The following TMEM232 variants were observed in gnomAD, a reference collection of about 807,000 sequenced individuals.
TMEM232 encodes transmembrane protein 232.
Under a neutral mutation model 78.8 loss-of-function variants are expected in TMEM232, and 80 were observed. The observed-to-expected ratio is 1.01, with a 90% CI of 0.85 to 1.22. TMEM232 has a LOEUF of 1.22. Among genes scored for constraint, TMEM232 ranks in the 50% most tolerant of loss-of-function variants. The pLI is 0.00. For synonymous variants in TMEM232, 297 were observed against 254.3 expected (o/e 1.17, Z -1.60); for missense variants, 881 against 742.2 (o/e 1.19, Z -2.17).
intron 5 of TMEM232, among the ~76,000 whole-genome samples, chr5:110,637,191 T>G (rs868071555): frequency 2.2e-4 from 33 of 151,092 alleles, no homozygotes; most frequent in African/African-American, 7.5e-4. Flanking sequence ...GTGGACAGTT[T>G]TGGAAATACA....
rs1777741053 is a variant in TMEM232 at position 110,577,856 on chromosome 5, ACT to A, written c.1277-9233_1277-9232del. On this transcript the variant is annotated intron_variant, in intron 10 of 13. Transcript: ENST00000455884. ...GGAGACACAGAGAGGAACAACATAC[ACT>A]GGGGCCTTTTTGGAGGGTGGAGGGT... Among the ~76,000 whole-genome samples the A allele has an allele frequency of 6.6e-5, 10 of 152,046 alleles. No homozygotes were observed. In the South Asian group the frequency reaches 1.9e-3, roughly 28 times the overall value.
intron 11 of TMEM232, among the ~76,000 whole-genome samples, chr5:110,561,596 T>A (rs148082663): frequency 3.2e-4 from 48 of 152,200 alleles, no homozygotes; most frequent in African/African-American, 1.1e-3. Flanking sequence ...TTATGCAGCT[T>A]TCTATCAAAA....
At chr5:110,498,554 G>A (rs1765872203) in intron 12 of TMEM232, among the ~76,000 whole-genome samples, 1 of 152,112 alleles carries the variant, frequency 6.6e-6, no homozygotes, top group Non-Finnish European at 1.5e-5. Context: ...ATGCACTGGA[G>A]AGCAACCAAA....
At chr5:110,503,799 GC>G (rs1766546745) in intron 12 of TMEM232, among the ~76,000 whole-genome samples, 1 of 152,114 alleles carries the variant, frequency 6.6e-6, no homozygotes, top group Admixed American at 6.6e-5. Flanking sequence ...CTTACCTTCT[GC>G]TTTAAAAACA....
intron 10 of TMEM232, among the ~76,000 whole-genome samples, chr5:110,577,875 G>A (rs540440186): frequency 6.6e-6 from 1 of 151,962 alleles, no homozygotes; most frequent in Admixed American, 6.6e-5. Context: ...TTTTTGGAGG[G>A]TGGAGGGTGG....
intron 2 of TMEM232, among the ~76,000 whole-genome samples, chr5:110,643,478 T>C (rs1203207038): frequency 6.6e-6 from 1 of 151,824 alleles, no homozygotes; most frequent in East Asian, 1.9e-4. Flanking sequence ...ACAAATAAGT[T>C]GAAAGTGTAT....
At chr5:110,609,714 T>A (rs1005109605) in intron 8 of TMEM232, among the ~76,000 whole-genome samples, 1 of 152,092 alleles carries the variant, frequency 6.6e-6, no homozygotes, top group Non-Finnish European at 1.5e-5. Context: ...ATTTTACACA[T>A]TGAGTGTTGT....
intron 2 of TMEM232, among the ~76,000 whole-genome samples, chr5:110,400,262 A>T (rs1580555336): frequency 6.6e-6 from 1 of 152,258 alleles, no homozygotes; most frequent in South Asian, 2.1e-4. Flanking sequence ...TGCGATATTG[A>T]GCCAATGATT....
intron 2 of TMEM232, chr5:110,666,979 T>G (rs186922954): frequency 3.7e-4 from 110 of 294,264 alleles, no homozygotes; most frequent in Middle Eastern, 2.0e-3. Context: ...TATTTTCTCA[T>G]GCAATCTATG....
At chr5:110,495,136 AAAAT>A (rs1389844015) in intron 12 of TMEM232, among the ~76,000 whole-genome samples, 112 of 151,224 alleles carry the variant, frequency 7.4e-4, no homozygotes, top group African/African-American at 2.7e-3. Context: ...AATATTATAT[AAAAT>A]AAATAGAAGC....
chr5:110,463,826 A>G (rs1167339387), intron 12 of TMEM232, among the ~76,000 whole-genome samples: 1 of 152,146 alleles, frequency 6.6e-6, no homozygotes, highest in African/African-American at 2.4e-5. Flanking sequence ...CCTGCCCTAC[A>G]TAAGACCACC....
Position 110,713,469 on chromosome 5 carries a change from G to T in TMEM232, c.-13+13158C>A, listed in dbSNP as rs374764095. Reference sequence around the variant, plus strand: ...ATAGATTCCCCATTTAGCATATTGTGATTATTATGCATTGCAAGCCTGTAT... The same window carrying T: ...ATAGATTCCCCATTTAGCATATTGTTATTATTATGCATTGCAAGCCTGTAT... On this transcript the variant is annotated intron_variant, in intron 1 of 13. Coordinates refer to ENST00000455884, the MANE Select transcript of TMEM232 (RefSeq NM_001039763.4). 3.9e-5 allele frequency among the ~76,000 whole-genome samples: 6 copies of T among 152,038 alleles called. No homozygotes were observed. The South Asian group carries it at 1.0e-3, about 26-fold the overall frequency.
At chr5:110,637,425 G>C (rs1339308985) in intron 5 of TMEM232, among the ~76,000 whole-genome samples, 1 of 151,720 alleles carries the variant, frequency 6.6e-6, no homozygotes, top group Non-Finnish European at 1.5e-5. Flanking sequence ...AAATGTGGTT[G>C]TCTCCCCAAA....
intron 12 of TMEM232, among the ~76,000 whole-genome samples, chr5:110,518,401 C>T (rs73785477): frequency 0.071 from 10,848 of 152,140 alleles, 721 homozygotes; most frequent in African/African-American, 0.18. Flanking sequence ...CTTCGGAATA[C>T]ACAGAATGCA....
At chr5:110,417,981 G>T (rs143422783), downstream of TMEM232, 7 of 152,248 alleles carry the variant, frequency 4.6e-5, no homozygotes, top group African/African-American at 1.7e-4. Flanking sequence ...CCCCTCAAAA[G>T]TACCAGCAAT....
At position 110,400,524 on chromosome 5, in the gene TMEM232, AT is replaced by A. The variant is rs1360571908; in HGVS notation, n.309-2671del. Among the ~76,000 whole-genome samples the A allele has an allele frequency of 3.3e-5, 5 of 152,204 alleles. No individual in the cohort carries two copies. The South Asian group carries it at 6.2e-4, about 19-fold the overall frequency. On this transcript the variant is annotated intron_variant and non_coding_transcript_variant, in intron 2 of 8. Transcript: ENST00000507188. The stretch of plus-strand genomic sequence containing the variant: ...AATAAGATCAATCCAGATTAAAAAA[AT>A]ATAAGACATACATCAGATGTCATAT...
Position 110,508,852 on chromosome 5 carries a change from T to TTA in TMEM232, c.1703+19734_1703+19735dup, listed in dbSNP as rs1269654655. Among the ~76,000 whole-genome samples the TTA allele has an allele frequency of 8.7e-3, 1,208 of 139,528 alleles. 22 individuals are homozygous for TTA. Among genetic ancestry groups the TTA allele is most frequent in the African/African-American group, 0.031 (1,112 of 35,970 alleles). The allele number at this position is 139,528 out of a possible 152,430, so 91.5% of individuals were successfully genotyped here. On this transcript the variant is annotated intron_variant, in intron 12 of 13. Transcript: ENST00000455884. ...CACTGCTAATTATATATATATATAA[T>TTA]TATATATATATATACACACACACAT...
At chr5:110,394,488 T>C (rs1426116890) in intron 3 of TMEM232, among the ~76,000 whole-genome samples, 1 of 152,206 alleles carries the variant, frequency 6.6e-6, no homozygotes, top group African/African-American at 2.4e-5. Context: ...ATTCTGTTTT[T>C]AGTTTTTTGA....
At chr5:110,723,910 C>T (rs1797902292) in intron 1 of TMEM232, among the ~76,000 whole-genome samples, 3 of 152,154 alleles carry the variant, frequency 2.0e-5, no homozygotes, top group Admixed American at 2.0e-4. Context: ...GGTGATAGAG[C>T]AGTCACCTTG....
Sources: gnomAD v4.1 joint callset for allele counts (sites outside exome capture counted in the v4.1 genomes callset) on GRCh38, gnomAD v4.1.1 for gene constraint, MANE v1.5 for transcripts, NCBI Gene and HGNC (gene_info 2026-07-23, HGNC 2026-07-21) for gene names.